Variants in MECR observed in about 807,000 individuals in gnomAD.
MECR encodes the protein mitochondrial trans-2-enoyl-CoA reductase.
MECR carries 37 observed loss-of-function variants against 49.1 expected under a neutral mutation model. The observed-to-expected ratio is 0.75, with a 90% CI of 0.58 to 0.99. MECR has a LOEUF of 0.99. Among genes scored for constraint, MECR ranks in the 50% least tolerant of loss-of-function variants. The probability of loss-of-function intolerance (pLI) is 0.00; values close to 1 mark genes in which losing one functional copy is unlikely to be tolerated. For missense variants in MECR, 470 were observed against 479.6 expected (o/e 0.98, Z 0.19); for synonymous variants, 198 against 191.1 (o/e 1.04, Z -0.30).
chr1:29,206,112 A>G (rs1676515985), intron 4 of MECR, among the ~76,000 whole-genome samples: 1 of 152,240 alleles, frequency 6.6e-6, no homozygotes, highest in African/African-American at 2.4e-5. Flanking sequence ...TCTGCACTGT[A>G]TGCCCAGCAC....
At position 29,215,923 on chromosome 1, in the gene MECR, C is replaced by G. The variant is rs2640469; in HGVS notation, c.406+82G>C. The G allele has an allele frequency of 0.97, 1,493,743 of 1,541,052 alleles. 725,359 individuals are homozygous for G. Among genetic ancestry groups the G allele is most frequent in the Non-Finnish European group, 0.99 (1,115,976 of 1,129,146 alleles). On this transcript the variant is annotated intron_variant, in intron 3 of 9. Transcript: ENST00000263702. The stretch of plus-strand genomic sequence containing the variant: ...AAACCCTGCATTACCCAGGTACACT[C>G]GGCCAATCAGTGGATGCCGACAGAG...
At chr1:29,206,136 A>C (rs1449537117) in intron 4 of MECR, among the ~76,000 whole-genome samples, 1 of 152,228 alleles carries the variant, frequency 6.6e-6, no homozygotes, top group Non-Finnish European at 1.5e-5. Context: ...GTGAAGTATT[A>C]TGCTGTAGTG....
At chr1:29,191,389 C>T (rs1330500007), downstream of MECR, among the ~76,000 whole-genome samples, 2 of 152,076 alleles carry the variant, frequency 1.3e-5, no homozygotes, top group Admixed American at 6.6e-5. Flanking sequence ...CTGCAACCTC[C>T]GCCTCCCAGG....
At chr1:29,196,741 C>T (rs1674091640) in intron 7 of MECR, among the ~76,000 whole-genome samples, 1 of 150,872 alleles carries the variant, frequency 6.6e-6, no homozygotes, top group Non-Finnish European at 1.5e-5. Flanking sequence ...TGGCAGCTCA[C>T]ACCTGTAATA....
At chr1:29,187,185 G>A in the MECR span, among the ~76,000 whole-genome samples, 25 of 152,268 alleles carry the variant, frequency 1.6e-4, no homozygotes, top group South Asian at 3.1e-3. Flanking sequence ...CACAAGTACA[G>A]CCTGGCACAC....
chr1:29,196,233 C>G lies in MECR; in HGVS notation c.856G>C (p.Gly286Arg), dbSNP rs1261856265. ...LARGGTMVTY[G>R]GMAKQPVVAS... ...ACGACGGGCTGCTTGGCCATCCCCCCATAGGTTACCATGGTTCCTCCACGC... is the reference window on the plus strand; with the variant it reads ...ACGACGGGCTGCTTGGCCATCCCCCGATAGGTTACCATGGTTCCTCCACGC... Residue 286 changes from glycine to arginine, a missense_variant, in exon 8 of 10, where the codon GGG becomes CGG. Gly to Arg is a moderately radical substitution (Grantham distance 125, BLOSUM62 -2). Transcript: ENST00000263702. 7 of 1,613,638 alleles carry G rather than the reference C, an allele frequency of 4.3e-6. No individual in the cohort carries two copies. Among genetic ancestry groups the G allele is most frequent in the East Asian group, 2.2e-5 (1 of 44,858 alleles).
At chr1:29,225,735 T>C (rs1681881349) in intron 1 of MECR, among the ~76,000 whole-genome samples, 1 of 152,168 alleles carries the variant, frequency 6.6e-6, no homozygotes, top group Non-Finnish European at 1.5e-5. Flanking sequence ...AAAATGTGGG[T>C]TTAAAAATCA....
Position 29,193,856 on chromosome 1 carries a change from A to C in MECR, c.*166T>G, listed in dbSNP as rs2151838233. 6.6e-6 allele frequency: 5 copies of C among 761,038 alleles called. No individual in the cohort carries two copies. The highest frequency in any genetic ancestry group is 1.0e-5 in the Non-Finnish European group (5 of 476,666). The allele number at this position is 761,038 out of a possible 1,614,324, so 47.1% of individuals were successfully genotyped here. A position where few individuals can be genotyped will look rare whatever the true frequency, so the allele number is the denominator to read the frequency against. On this transcript the variant is annotated 3_prime_UTR_variant, in exon 10 of 10. Transcript: ENST00000263702. The stretch of plus-strand genomic sequence containing the variant: ...AGTTCAGACTTTATTAGATACCTTA[A>C]GGCTGGCCCTGGGGAAAACCGTGGC...
chr1:29,218,446 C>T (rs984968868), intron 1 of MECR, among the ~76,000 whole-genome samples: 2 of 152,204 alleles, frequency 1.3e-5, no homozygotes, highest in African/African-American at 4.8e-5. Flanking sequence ...ATATAACTGC[C>T]AACAAGGTTT....
At position 29,193,845 on chromosome 1, in the gene MECR, T is replaced by G; in HGVS notation, c.*177A>C. ...TTGGAAGGGAGAGTTCAGACTTTAT[T>G]AGATACCTTAAGGCTGGCCCTGGGG... On this transcript the variant is annotated 3_prime_UTR_variant, in exon 10 of 10. Transcript: ENST00000263702. 1.5e-6 allele frequency: 1 copy of G among 689,108 alleles called. No homozygotes were observed. The allele number at this position is 689,108 out of a possible 1,614,324, so 42.7% of individuals were successfully genotyped here. A position where few individuals can be genotyped will look rare whatever the true frequency, so the allele number is the denominator to read the frequency against.
At chr1:29,203,370 C>T (rs1675812830) in intron 4 of MECR, 137 bp from the exon 5 acceptor site, 1 of 608,470 alleles carries the variant, frequency 1.6e-6, no homozygotes, top group African/African-American at 1.9e-5. Context: ...GCTGAGTCTT[C>T]TCAGACCTTC....
At chr1:29,209,601 A>G (rs951153208) in intron 3 of MECR, among the ~76,000 whole-genome samples, 1 of 152,166 alleles carries the variant, frequency 6.6e-6, no homozygotes, top group African/African-American at 2.4e-5. Flanking sequence ...TTTGAGTTCT[A>G]TTTTAAAGAC....
At chr1:29,172,520 G>T in the MECR span, 1 of 152,188 alleles carries the variant, frequency 6.6e-6, no homozygotes, top group African/African-American at 2.4e-5. Context: ...TCGAACTTCT[G>T]ACCTCAGGTG....
chr1:29,179,111 T>C, the MECR span, among the ~76,000 whole-genome samples: 1 of 152,224 alleles, frequency 6.6e-6, no homozygotes, highest in East Asian at 1.9e-4. Flanking sequence ...ATCTTCCTTT[T>C]GGGTTGCTCA....
At position 29,230,670 on chromosome 1, in the gene MECR, C is replaced by T. The variant is rs369702908; in HGVS notation, c.176+61G>A. 3.3e-6 allele frequency: 5 copies of T among 1,528,596 alleles called. No individual in the cohort carries two copies. In the East Asian group the frequency reaches 7.4e-5, roughly 23 times the overall value. The allele number at this position is 1,528,596 out of a possible 1,614,324, so 94.7% of individuals were successfully genotyped here. The stretch of plus-strand genomic sequence containing the variant: ...CTGTCCCTCTCTTCCCAGTCCGCAG[C>T]TCGTGTTAAAGCCTTCCAGAAACCC... On this transcript the variant is annotated intron_variant, in intron 1 of 9. Coordinates refer to ENST00000263702, the MANE Select transcript of MECR (RefSeq NM_016011.5).
the MECR span, among the ~76,000 whole-genome samples, chr1:29,178,269 C>G: frequency 6.6e-6 from 1 of 151,830 alleles, no homozygotes; most frequent in Non-Finnish European, 1.5e-5. Context: ...TCTACTGATA[C>G]ATCTCACTTC....
chr1:29,206,705 T>G, intron 4 of MECR, 57 bp downstream of exon 4: 1 of 1,595,942 alleles, frequency 6.3e-7, no homozygotes, highest in Non-Finnish European at 8.6e-7. Flanking sequence ...GGTCAGGATG[T>G]GAGTGGCACC....
At chr1:29,226,565 A>G (rs1387733687) in intron 1 of MECR, among the ~76,000 whole-genome samples, 1 of 152,176 alleles carries the variant, frequency 6.6e-6, no homozygotes, top group African/African-American at 2.4e-5. Context: ...AACCCCATCT[A>G]TATTTTTTAT....
At chr1:29,223,394 TCTG>T (rs1409853370) in intron 1 of MECR, 2 of 498,146 alleles carry the variant, frequency 4.0e-6, no homozygotes, top group Non-Finnish European at 5.2e-6. Context: ...ATTAGCTAGC[TCTG>T]CTGAGATATC....
Sources: allele counts gnomAD v4.1 joint callset (sites outside exome capture counted in the v4.1 genomes callset), GRCh38; gene constraint gnomAD v4.1.1; transcripts MANE v1.5; gene names NCBI Gene and HGNC (gene_info 2026-07-23, HGNC 2026-07-21).